Variants in EYA2 observed in about 807,000 individuals in gnomAD.
EYA2 encodes the protein EYA transcriptional coactivator and phosphatase 2.
EYA2 carries 31 observed loss-of-function variants against 69.2 expected under a neutral mutation model. That is an observed-to-expected ratio of 0.45 (90% CI 0.34 to 0.60). The LOEUF (loss-of-function observed/expected upper bound fraction) is 0.60, where lower values mean the gene tolerates loss of function less well. EYA2 is among the 20% of genes least tolerant of loss of function. The pLI, the probability that EYA2 is intolerant of heterozygous loss-of-function variation, is 0.02. For synonymous variants in EYA2, 257 were observed against 279.4 expected (o/e 0.92, Z 0.80); for missense variants, 622 against 701.2 (o/e 0.89, Z 1.28).
chr20:47,158,205 T>G (rs956306684), intron 10 of EYA2, among the ~76,000 whole-genome samples: 5 of 152,006 alleles, frequency 3.3e-5, no homozygotes, highest in African/African-American at 1.2e-4. Flanking sequence ...AACCATATTT[T>G]GTAATTTTTT....
At chr20:47,062,831 G>A (rs921109147) in intron 5 of EYA2, among the ~76,000 whole-genome samples, 2 of 152,102 alleles carry the variant, frequency 1.3e-5, no homozygotes, top group Admixed American at 6.6e-5. Context: ...AAAGGGAGAG[G>A]GATTTGTTCC....
At chr20:47,056,358 C>T (rs1297268525) in intron 5 of EYA2, among the ~76,000 whole-genome samples, 2 of 151,622 alleles carry the variant, frequency 1.3e-5, no homozygotes, top group African/African-American at 4.9e-5. Context: ...TGGTCCTATC[C>T]AAATTGTTTT....
chr20:47,014,301 T>C (rs1233510180), intron 4 of EYA2, among the ~76,000 whole-genome samples: 1 of 152,164 alleles, frequency 6.6e-6, no homozygotes, highest in Non-Finnish European at 1.5e-5. Context: ...TTCTCTTATT[T>C]TACGGGGTTG....
chr20:47,047,031 C>G (rs934258343), intron 5 of EYA2, among the ~76,000 whole-genome samples: 7 of 152,208 alleles, frequency 4.6e-5, no homozygotes, highest in Admixed American at 2.6e-4. Flanking sequence ...ATTAGGGCAA[C>G]TTGCTCATTT....
At chr20:47,174,718 T>C (rs1227883407) in intron 12 of EYA2, among the ~76,000 whole-genome samples, 1 of 152,216 alleles carries the variant, frequency 6.6e-6, no homozygotes, top group African/African-American at 2.4e-5. Flanking sequence ...ACAGCATGCC[T>C]GTAAGGTAAA....
intron 1 of EYA2, among the ~76,000 whole-genome samples, chr20:46,929,724 A>G (rs1294860339): frequency 1.3e-5 from 2 of 152,046 alleles, no homozygotes; most frequent in African/African-American, 4.8e-5. Flanking sequence ...AAGAGGACTG[A>G]GGCTGGGTGC....
intron 7 of EYA2, among the ~76,000 whole-genome samples, chr20:47,085,166 CTTA>C (rs1294159040): frequency 6.6e-6 from 1 of 151,878 alleles, no homozygotes; most frequent in Non-Finnish European, 1.5e-5. Context: ...TTAAACACTA[CTTA>C]TTATATGACC....
At chr20:47,090,342 C>T (rs945994699) in intron 8 of EYA2, among the ~76,000 whole-genome samples, 4 of 150,656 alleles carry the variant, frequency 2.7e-5, no homozygotes, top group East Asian at 2.0e-4. Flanking sequence ...CAGGTTCAAG[C>T]GATTCTCTTG....
At chr20:46,966,332 T>C (rs902255935) in intron 1 of EYA2, among the ~76,000 whole-genome samples, 2 of 152,136 alleles carry the variant, frequency 1.3e-5, no homozygotes, top group Non-Finnish European at 1.5e-5. Context: ...ATTCATCACA[T>C]ATTCTGTGGC....
intron 7 of EYA2, among the ~76,000 whole-genome samples, chr20:47,086,625 A>G (rs2031902250): frequency 6.6e-6 from 1 of 152,102 alleles, no homozygotes; most frequent in East Asian, 1.9e-4. Flanking sequence ...AGATGGTGCT[A>G]AACCATTCAT....
At chr20:47,114,485 T>G (rs1405457464) in intron 9 of EYA2, among the ~76,000 whole-genome samples, 2 of 152,044 alleles carry the variant, frequency 1.3e-5, no homozygotes, top group Non-Finnish European at 2.9e-5. Context: ...AGTGGTGGTG[T>G]GCGCCTGTAA....
intron 9 of EYA2, among the ~76,000 whole-genome samples, chr20:47,116,552 C>A (rs2032899859): frequency 6.6e-6 from 1 of 152,186 alleles, no homozygotes; most frequent in South Asian, 2.1e-4. Context: ...CCCCATTATT[C>A]CCGTAGCACT....
At chr20:47,012,143 T>C (rs1373536010) in intron 4 of EYA2, among the ~76,000 whole-genome samples, 1 of 152,250 alleles carries the variant, frequency 6.6e-6, no homozygotes, top group Admixed American at 6.5e-5. Flanking sequence ...TGAATGCTTA[T>C]TGGCTGTCTG....
intron 1 of EYA2, among the ~76,000 whole-genome samples, chr20:46,959,665 C>T (rs1410949044): frequency 3.4e-5 from 5 of 146,464 alleles, no homozygotes; most frequent in Admixed American, 1.4e-4. Flanking sequence ...CGCACACGCA[C>T]GCACGTACTT....
At chr20:47,047,669 G>A (rs920023969) in intron 5 of EYA2, among the ~76,000 whole-genome samples, 1 of 152,180 alleles carries the variant, frequency 6.6e-6, no homozygotes, top group Non-Finnish European at 1.5e-5. Context: ...TTTCAGGTGT[G>A]AGCCACCGCG....
intron 1 of EYA2, among the ~76,000 whole-genome samples, chr20:46,987,992 A>ATATATATATC (rs1981394017): frequency 1.2e-5 from 1 of 80,168 alleles, no homozygotes; most frequent in Non-Finnish European, 2.3e-5. Flanking sequence ...ATATATATAT[A>ATATATATATC]TATATGGGGC....
At chr20:46,958,826 G>A (rs1979298517) in intron 1 of EYA2, among the ~76,000 whole-genome samples, 1 of 152,200 alleles carries the variant, frequency 6.6e-6, no homozygotes, top group Non-Finnish European at 1.5e-5. Context: ...AGTTTGCTAA[G>A]GGTAATGGCC....
chr20:47,167,356 A>G (rs532852942), intron 10 of EYA2, among the ~76,000 whole-genome samples: 1 of 139,810 alleles, frequency 7.2e-6, no homozygotes, highest in South Asian at 2.2e-4. Context: ...ATCTCAGCTC[A>G]CTGCAGCCTC....
intron 5 of EYA2, among the ~76,000 whole-genome samples, chr20:47,038,738 C>T (rs1984858808): frequency 6.6e-6 from 1 of 152,172 alleles, no homozygotes; most frequent in African/African-American, 2.4e-5. Context: ...CAAACTGAAA[C>T]TATATCCATT....
Sources: gnomAD v4.1 joint callset for allele counts (sites outside exome capture counted in the v4.1 genomes callset) on GRCh38, gnomAD v4.1.1 for gene constraint, MANE v1.5 for transcripts, NCBI Gene and HGNC (gene_info 2026-07-23, HGNC 2026-07-21) for gene names.